PLA2R1: variants seen among roughly 807,000 people sequenced by gnomAD.
PLA2R1 encodes phospholipase A2 receptor 1, also known as secretory phospholipase A2 receptor.
In PLA2R1, 158 loss-of-function variants were observed where a neutral mutation model predicts 195.9. The ratio of observed to expected loss-of-function variants is 0.81; its 90% CI spans 0.71 to 0.92. The LOEUF is 0.92. Among genes scored for constraint, PLA2R1 ranks in the 40% least tolerant of loss-of-function variants. The probability of loss-of-function intolerance (pLI) is 0.00; values close to 1 mark genes in which losing one functional copy is unlikely to be tolerated. For missense variants in PLA2R1, 1,626 were observed against 1,764.6 expected (o/e 0.92, Z 1.41); for synonymous variants, 586 against 598.2 (o/e 0.98, Z 0.30).
chr2:160,044,944 G>T lies in PLA2R1; in HGVS notation c.323C>A (p.Ser108Tyr). ...GCGCCACCGTAAGGAAACGAGGGTG[G>T]AGTCACATTCATATAAGCTTAATGG... is the stretch of plus-strand genomic sequence containing the variant. The part of the protein sequence containing the change: ...EQPLSLYECD[S>Y]TLVSLRWRCN... Residue 108 changes from serine (S) to tyrosine (Y), a missense_variant, in exon 2 of 30, where the codon TCC becomes TAC. Transcript: ENST00000283243. The T allele has an allele frequency of 6.2e-7, 1 of 1,614,144 alleles. No individual in the cohort carries two copies. Among genetic ancestry groups the T allele is most frequent in the Non-Finnish European group, 8.5e-7 (1 of 1,179,994 alleles).
At position 159,932,721 on chromosome 2, in the gene PLA2R1, C is replaced by T. The variant is rs1461384469; in HGVS notation, c.*9057G>A. 6.6e-6 allele frequency: 1 copy of T among 152,150 alleles called. No homozygotes were observed. Among genetic ancestry groups the T allele is most frequent in the Non-Finnish European group, 1.5e-5 (1 of 68,026 alleles). 9.4% of individuals were successfully genotyped at this position (152,150 alleles called of 1,614,324 possible). On this transcript the variant is annotated 3_prime_UTR_variant, in exon 30 of 30. Transcript: ENST00000283243. ...GGAACTCAAGGAGCTCAAGTTAATT[C>T]ACAAACAACAGTGTGAAGACAATAA...
At chr2:160,010,005 G>A (rs1573886369) in intron 10 of PLA2R1, among the ~76,000 whole-genome samples, 1 of 152,106 alleles carries the variant, frequency 6.6e-6, no homozygotes. Flanking sequence ...AACTACTTGG[G>A]GGGCTGAGGC....
intron 1 of PLA2R1, among the ~76,000 whole-genome samples, chr2:160,047,078 A>G (rs1252441616): frequency 6.6e-6 from 1 of 152,222 alleles, no homozygotes; most frequent in African/African-American, 2.4e-5. Flanking sequence ...TAAGCTCTGC[A>G]ACGTACTGAC....
At chr2:159,993,373 A>C (rs973639982) in intron 11 of PLA2R1, among the ~76,000 whole-genome samples, 6 of 151,986 alleles carry the variant, frequency 3.9e-5, no homozygotes, top group Non-Finnish European at 7.4e-5. Context: ...AAGGAAATCC[A>C]GTTAAAATAT....
Position 159,942,151 on chromosome 2 carries a change from T to C in PLA2R1, c.4153A>G (p.Thr1385Ala). The C allele has an allele frequency of 6.2e-7, 1 of 1,608,456 alleles. No individual in the cohort carries two copies. Among genetic ancestry groups the C allele is most frequent in the Non-Finnish European group, 8.5e-7 (1 of 1,176,178 alleles). Residue 1385 changes from threonine (T) to alanine (A), a missense_variant, in exon 29 of 30, where the codon ACT (threonine) becomes GCT (alanine). Physicochemically the swap from Thr to Ala is moderately conservative, Grantham distance 58. Coordinates refer to ENST00000283243, the MANE Select transcript of PLA2R1 (RefSeq NM_007366.5). ...FICKMEADIH[T>A]AEALPEKGPS... Reference sequence around the variant, plus strand: ...CCTTTTTCTGGCAGCGCCTCTGCAGTGTGAATATCTAAAATCAAATACAAA... The same window carrying C: ...CCTTTTTCTGGCAGCGCCTCTGCAGCGTGAATATCTAAAATCAAATACAAA...
intron 3 of PLA2R1, among the ~76,000 whole-genome samples, chr2:160,040,464 A>G (rs1694457963): frequency 6.6e-6 from 1 of 152,188 alleles, no homozygotes; most frequent in South Asian, 2.1e-4. Flanking sequence ...GCATAGAATT[A>G]TCTCCATATT....
intron 1 of PLA2R1, among the ~76,000 whole-genome samples, chr2:160,058,253 C>T (rs578155822): frequency 1.3e-5 from 2 of 152,258 alleles, no homozygotes; most frequent in Admixed American, 6.5e-5. Flanking sequence ...CCCCTCTTTC[C>T]GTCGGCGCAG....
chr2:160,040,636 C>T (rs1694467853), intron 3 of PLA2R1, among the ~76,000 whole-genome samples: 1 of 152,280 alleles, frequency 6.6e-6, no homozygotes, highest in African/African-American at 2.4e-5. Context: ...GTGTCAAATA[C>T]AGCCTGCATT....
chr2:159,955,293 T>C lies in PLA2R1; in HGVS notation c.3207A>G (p.Leu1069=), dbSNP rs2105160908. 6.2e-7 allele frequency: 1 copy of C among 1,605,384 alleles called. No individual in the cohort carries two copies. Among genetic ancestry groups the C allele is most frequent in the East Asian group, 2.2e-5 (1 of 44,748 alleles). The change falls in exon 23 of 30, where the codon TTA becomes TTG. Residue 1069 remains leucine (L), a synonymous_variant. Coordinates refer to ENST00000283243, the MANE Select transcript of PLA2R1 (RefSeq NM_007366.5). The part of the protein sequence containing the change: ...EVQKHIPLCA[L]LSSNPNFHFT... Reference sequence around the variant, plus strand: ...AATGAAAATTAGGATTACTTGAGAGTAAGGCACAGAGAGGAATGTGTTTCT... The same window carrying C: ...AATGAAAATTAGGATTACTTGAGAGCAAGGCACAGAGAGGAATGTGTTTCT...
chr2:159,956,750 T>A, intron 20 of PLA2R1, 123 bp from the exon 21 acceptor site: 1 of 635,434 alleles, frequency 1.6e-6, no homozygotes, highest in Non-Finnish European at 2.8e-6. Flanking sequence ...CAGAAAGAAC[T>A]CATTTTTCTT....
chr2:159,949,213 CA>C (rs1356411397), intron 25 of PLA2R1, among the ~76,000 whole-genome samples: 1 of 152,086 alleles, frequency 6.6e-6, no homozygotes, highest in Non-Finnish European at 1.5e-5. Flanking sequence ...AGGCAAATCC[CA>C]ACATCGGCTT....
At chr2:159,993,472 ACAC>A (rs1334979920) in intron 11 of PLA2R1, among the ~76,000 whole-genome samples, 1 of 151,756 alleles carries the variant, frequency 6.6e-6, no homozygotes, top group African/African-American at 2.4e-5. Context: ...ACACACACAC[ACAC>A]ACTTCCTAGA....
At chr2:160,035,433 C>A (rs1373463936) in intron 3 of PLA2R1, among the ~76,000 whole-genome samples, 1 of 152,106 alleles carries the variant, frequency 6.6e-6, no homozygotes, top group African/African-American at 2.4e-5. Context: ...CCCCTGTATC[C>A]CAACAAGGGG....
chr2:160,007,085 C>T (rs1692034318), intron 10 of PLA2R1, among the ~76,000 whole-genome samples: 1 of 152,192 alleles, frequency 6.6e-6, no homozygotes, highest in Admixed American at 6.5e-5. Flanking sequence ...AAATAGCACA[C>T]ATTTGAAACA....
At chr2:159,962,656 T>C (rs1248219738) in intron 20 of PLA2R1, among the ~76,000 whole-genome samples, 3 of 152,136 alleles carry the variant, frequency 2.0e-5, no homozygotes, top group Non-Finnish European at 2.9e-5. Flanking sequence ...AATGATAGAC[T>C]GGATAAAGAA....
intron 1 of PLA2R1, among the ~76,000 whole-genome samples, chr2:160,045,644 C>A (rs545059512): frequency 6.6e-6 from 1 of 152,290 alleles, no homozygotes; most frequent in South Asian, 2.1e-4. Context: ...CTATAGAAAA[C>A]CGAAAGGCTA....
chr2:159,951,743 CA>C (rs1560139376), intron 23 of PLA2R1, among the ~76,000 whole-genome samples, 165 bp from the exon 24 acceptor site: 4 of 151,976 alleles, frequency 2.6e-5, no homozygotes, highest in African/African-American at 9.7e-5. Flanking sequence ...GTAAGTGATG[CA>C]AAAAAATGAG....
chr2:159,946,980 G>A (rs1687429229), intron 26 of PLA2R1, 63 bp from the exon 27 acceptor site: 1 of 1,027,886 alleles, frequency 9.7e-7, no homozygotes, highest in South Asian at 1.4e-5. Context: ...TTTAAAAAAT[G>A]TTTCCTATAC....
chr2:159,991,238 CT>C (rs1345395497), intron 11 of PLA2R1, among the ~76,000 whole-genome samples: 1 of 152,148 alleles, frequency 6.6e-6, no homozygotes, highest in Non-Finnish European at 1.5e-5. Flanking sequence ...TGAAGATCTA[CT>C]GTCACATTTT....
Sources: gnomAD v4.1 joint callset for allele counts (sites outside exome capture counted in the v4.1 genomes callset) on GRCh38, gnomAD v4.1.1 for gene constraint, MANE v1.5 for transcripts, NCBI Gene and HGNC (gene_info 2026-07-23, HGNC 2026-07-21) for gene names.